The following CSMD1 variants were observed in gnomAD, a reference collection of about 807,000 sequenced individuals.
CSMD1 encodes the protein CUB and sushi domain-containing protein 1.
CSMD1 carries 213 observed loss-of-function variants against 417.5 expected under a neutral mutation model. That is an observed-to-expected ratio of 0.51 (90% confidence interval 0.46 to 0.57). The LOEUF (loss-of-function observed/expected upper bound fraction) is 0.57. CSMD1 is among the 20% of genes least tolerant of loss of function. The pLI, the probability that CSMD1 is intolerant of heterozygous loss-of-function variation, is 0.00. For missense variants in CSMD1, 6,923 were observed against 4,529.7 expected (o/e 1.53, Z -15.17); for synonymous variants, 2,862 against 1,736.8 (o/e 1.65, Z -16.11).
intron 4 of CSMD1, among the ~76,000 whole-genome samples, chr8:4,002,541 G>C (rs977642296): frequency 1.3e-5 from 2 of 152,034 alleles, no homozygotes; most frequent in South Asian, 2.1e-4. Context: ...AGCCCATTTC[G>C]ACTGAGAAAA....
intron 7 of CSMD1, among the ~76,000 whole-genome samples, chr8:3,702,868 C>A (rs879702533): frequency 6.6e-6 from 1 of 152,122 alleles, no homozygotes; most frequent in Admixed American, 6.5e-5. Context: ...TTAATAATTT[C>A]TTTGGTATTG....
In CSMD1 at chr8:4,279,361, AT is replaced by A. The variant is rs1251135866; in HGVS notation, c.415+140591del. Among the ~76,000 whole-genome samples, 4 of 152,208 alleles carry A rather than the reference AT, an allele frequency of 2.6e-5. 1 individual carries two copies. The highest frequency in any genetic ancestry group is 9.7e-5 in the African/African-American group (4 of 41,438). ...AGACAGATACAGGTGGCAAACGGAC[AT>A]CTCAACAGAATGTCAAGTATCTTCC... On this transcript the variant is annotated intron_variant, in intron 3 of 69. Coordinates refer to ENST00000635120, the MANE Select transcript of CSMD1 (RefSeq NM_033225.6).
intron 2 of CSMD1, among the ~76,000 whole-genome samples, chr8:4,456,547 C>T (rs73660861): frequency 6.6e-6 from 1 of 152,166 alleles, no homozygotes; most frequent in Non-Finnish European, 1.5e-5. Context: ...AGTGACACCA[C>T]TTTGGGTAGA....
chr8:3,900,858 T>C lies in CSMD1; in HGVS notation c.818+97045A>G, dbSNP rs142086731. Among the ~76,000 whole-genome samples, 34 of 152,336 alleles carry C rather than the reference T, an allele frequency of 2.2e-4. No homozygotes were observed. The East Asian group carries it at 2.7e-3, about 12-fold the overall frequency. ...CTCTTCTCATTTCCGAGCATTACTT[T>C]TTCAGCCAGCTGCATGCCGTGCTCA... On this transcript the variant is annotated intron_variant, in intron 5 of 69. Transcript: ENST00000635120.
At chr8:2,980,815 G>A (rs1805343237) in intron 54 of CSMD1, among the ~76,000 whole-genome samples, 1 of 152,154 alleles carries the variant, frequency 6.6e-6, no homozygotes, top group African/African-American at 2.4e-5. Flanking sequence ...GAATTGCTTG[G>A]AGGATGTGTA....
At chr8:3,628,056 C>G (rs1337205428) in intron 7 of CSMD1, among the ~76,000 whole-genome samples, 1 of 152,100 alleles carries the variant, frequency 6.6e-6, no homozygotes, top group Admixed American at 6.5e-5. Flanking sequence ...GATTAAAAAA[C>G]AGAACGTGGT....
At chr8:4,034,806 G>C (rs375745860) in intron 3 of CSMD1, among the ~76,000 whole-genome samples, 5 of 152,070 alleles carry the variant, frequency 3.3e-5, no homozygotes, top group African/African-American at 9.7e-5. Context: ...ATTCTTCTTA[G>C]AAGGCACACA....
rs574136541 is a variant in CSMD1 at position 4,809,889 on chromosome 8, C to T, written c.86-172331G>A. Among the ~76,000 whole-genome samples, 29 of 152,278 alleles carry T rather than the reference C, an allele frequency of 1.9e-4. No individual in the cohort carries two copies. The South Asian group carries it at 6.0e-3, about 32-fold the overall frequency. On this transcript the variant is annotated intron_variant, in intron 1 of 69. Coordinates refer to ENST00000635120, the MANE Select transcript of CSMD1 (RefSeq NM_033225.6). ...CAAGCGGTTGCCATATTAAACAGTGCCATTCAAATCCAAGTCCGGCCACTT... is the reference window on the plus strand; with the variant it reads ...CAAGCGGTTGCCATATTAAACAGTGTCATTCAAATCCAAGTCCGGCCACTT...
chr8:4,594,440 T>A (rs118129986), intron 2 of CSMD1, among the ~76,000 whole-genome samples: 2,245 of 152,090 alleles, frequency 0.015, 27 homozygotes, highest in Middle Eastern at 0.078. Flanking sequence ...ACTCAAGTAA[T>A]CCACGCATCT....
intron 7 of CSMD1, among the ~76,000 whole-genome samples, chr8:3,678,183 C>T (rs530729950): frequency 7.4e-4 from 113 of 152,192 alleles, no homozygotes; most frequent in Middle Eastern, 3.4e-3. Context: ...CAAAGCTGGA[C>T]GGAGAATGAC....
chr8:4,583,129 G>C (rs554126405), intron 2 of CSMD1, among the ~76,000 whole-genome samples: 1 of 152,280 alleles, frequency 6.6e-6, no homozygotes, highest in East Asian at 1.9e-4. Flanking sequence ...ATGGGCTCCT[G>C]TGCGGCCCAA....
At chr8:4,522,037 T>C (rs1259676233) in intron 2 of CSMD1, among the ~76,000 whole-genome samples, 2 of 152,222 alleles carry the variant, frequency 1.3e-5, no homozygotes, top group African/African-American at 4.8e-5. Context: ...GAGTCATTGA[T>C]ACGGTTTGGC....
chr8:4,895,730 C>T (rs995469068), intron 1 of CSMD1, among the ~76,000 whole-genome samples: 2 of 151,834 alleles, frequency 1.3e-5, no homozygotes, highest in Non-Finnish European at 2.9e-5. Context: ...ACCTACAAAG[C>T]CTCTATTTTT....
At chr8:3,580,284 A>G (rs1315157290) in intron 9 of CSMD1, among the ~76,000 whole-genome samples, 1 of 152,130 alleles carries the variant, frequency 6.6e-6, no homozygotes, top group East Asian at 1.9e-4. Flanking sequence ...AAGGCAGATA[A>G]AAGATTTGTA....
At chr8:4,345,003 C>CA (rs11444001) in intron 3 of CSMD1, among the ~76,000 whole-genome samples, 13,650 of 152,122 alleles carry the variant, frequency 0.09, 1,786 homozygotes, top group African/African-American at 0.29. Context: ...GCCAATGTTT[C>CA]ATTCTTTCTA....
intron 5 of CSMD1, among the ~76,000 whole-genome samples, chr8:3,833,971 T>G (rs924632384): frequency 2.0e-5 from 3 of 152,174 alleles, no homozygotes; most frequent in Non-Finnish European, 4.4e-5. Flanking sequence ...AATTCACCTT[T>G]CCTATACGGT....
Position 4,637,326 on chromosome 8 carries a change from A to G in CSMD1, c.302+16T>C. On this transcript the variant is annotated intron_variant, in intron 2 of 69. Transcript: ENST00000635120. ...TCAAACAGTGCTAACTGTAATATAA[A>G]AAGTTGATACCTTACCTCACTTTTA... 3 of 1,580,320 alleles carry G rather than the reference A, an allele frequency of 1.9e-6. No individual in the cohort carries two copies. The highest frequency in any genetic ancestry group is 2.6e-6 in the Non-Finnish European group (3 of 1,149,986).
chr8:3,408,336 T>C lies in CSMD1; in HGVS notation c.1745-111A>G, dbSNP rs548877823. The C allele has an allele frequency of 3.2e-4, 224 of 704,884 alleles. No homozygotes were observed. In the African/African-American group the frequency reaches 3.6e-3, roughly 11 times the overall value. 43.7% of individuals were successfully genotyped at this position (704,884 alleles called of 1,614,324 possible). On this transcript the variant is annotated intron_variant, in intron 13 of 69. Transcript: ENST00000635120. ...GGCAATTCATGCCTGCAAATAGCTA[T>C]GATGATCCAACTATTTTAATATAAG...
intron 6 of CSMD1, among the ~76,000 whole-genome samples, chr8:3,732,227 G>A (rs999916621): frequency 4.6e-5 from 7 of 152,094 alleles, no homozygotes; most frequent in Middle Eastern, 3.2e-3. Context: ...TAGCAGTTTC[G>A]CCCGAGGCCA....
Sources: allele counts gnomAD v4.1 joint callset (sites outside exome capture counted in the v4.1 genomes callset), GRCh38; gene constraint gnomAD v4.1.1; transcripts MANE v1.5; gene names NCBI Gene and HGNC (gene_info 2026-07-23, HGNC 2026-07-21).